Variants in SNIP1 observed in about 807,000 individuals in gnomAD.
SNIP1 encodes Smad nuclear interacting protein 1.
Under a neutral mutation model 37.4 loss-of-function variants are expected in SNIP1, and 23 were observed. The ratio of observed to expected loss-of-function variants is 0.61; its 90% CI spans 0.44 to 0.87. The LOEUF (loss-of-function observed/expected upper bound fraction) is 0.87. SNIP1 is among the 40% of genes least tolerant of loss of function. SNIP1 has a pLI of 0.00. For synonymous variants in SNIP1, 174 were observed against 200.0 expected (o/e 0.87, Z 1.10); for missense variants, 459 against 540.4 (o/e 0.85, Z 1.49).
At chr1:37,541,022 T>C (rs2148113147) in intron 2 of SNIP1, 1 of 348,586 alleles carries the variant, frequency 2.9e-6, no homozygotes, top group African/African-American at 2.1e-5. Flanking sequence ...GACTATTTAG[T>C]CCAGAAAGGA....
At chr1:37,545,998 T>G (rs1241182801) in intron 2 of SNIP1, among the ~76,000 whole-genome samples, 2 of 151,998 alleles carry the variant, frequency 1.3e-5, no homozygotes, top group Non-Finnish European at 1.5e-5. Context: ...CATAAAAAAT[T>G]TAAAAATAGA....
intron 2 of SNIP1, chr1:37,545,101 A>T: frequency 1.3e-6 from 1 of 742,604 alleles, no homozygotes; most frequent in Non-Finnish European, 2.5e-6. Flanking sequence ...CACTACTGGA[A>T]CTGCACAAAC....
chr1:37,540,861 G>A lies in SNIP1; in HGVS notation c.328-106C>T. 7 of 1,116,892 alleles carry A rather than the reference G, an allele frequency of 6.3e-6. No individual in the cohort carries two copies. Among genetic ancestry groups the A allele is most frequent in the Non-Finnish European group, 8.8e-6 (7 of 792,500 alleles). The allele number at this position is 1,116,892 out of a possible 1,614,324, so 69.2% of individuals were successfully genotyped here. ...TGCATGCAAAAAGTCTTGTAATTTG[G>A]ACTTTGGCATTTAGAACAACATTTC... On this transcript the variant is annotated intron_variant, in intron 2 of 3. Transcript: ENST00000296215. The surrounding 1 kb of genome is among the most constrained non-coding windows in gnomAD (Gnocchi z 5.6).
Position 37,537,900 on chromosome 1 carries a change from G to C in SNIP1, c.1039C>G (p.Gln347Glu). 1 of 1,614,170 alleles carries C rather than the reference G, an allele frequency of 6.2e-7. No homozygotes were observed. The highest frequency in any genetic ancestry group is 8.5e-7 in the Non-Finnish European group (1 of 1,180,048). The part of the protein sequence containing the change: ...TFLNNKRIEP[Q>E]RYYELKEKDV... The stretch of plus-strand genomic sequence containing the variant: ...TTTTCTTTTAGTTCATAGTATCTCT[G>C]TGGCTCAATACGTTTGTTGTTTAAG... The change falls in exon 4 of 4, where the codon CAG (glutamine) becomes GAG (glutamate). Residue 347 changes from glutamine (Q) to glutamate (E), a missense_variant. Transcript: ENST00000296215.
intron 2 of SNIP1, among the ~76,000 whole-genome samples, chr1:37,546,242 C>G (rs939697259): frequency 2.0e-5 from 3 of 151,188 alleles, no homozygotes; most frequent in Non-Finnish European, 2.9e-5. Flanking sequence ...TAGCCTAGCA[C>G]AGACATGCAT....
In SNIP1 at chr1:37,540,497, C is replaced by A. The variant is rs1429552960; in HGVS notation, c.586G>T (p.Gly196Cys). The change falls in exon 3 of 4, where the codon GGT becomes TGT. Residue 196 changes from glycine (G) to cysteine (C), a missense_variant. Gly to Cys is a radical substitution (Grantham distance 159, BLOSUM62 -3). Transcript: ENST00000296215. The surrounding 1 kb of genome is among the most constrained non-coding windows in gnomAD (Gnocchi z 5.6). ...RREHRQRNDV[G>C]GGGSESQELV... ...TCCTGAGACTCACTGCCGCCACCAC[C>A]AACGTCATTCCTCTGGCGATGCTCC... 2 of 1,614,054 alleles carry A rather than the reference C, an allele frequency of 1.2e-6. No individual in the cohort carries two copies. The highest frequency in any genetic ancestry group is 1.7e-6 in the Non-Finnish European group (2 of 1,180,032).
At position 37,550,115 on chromosome 1, in the gene SNIP1, G is replaced by A. The variant is rs1453683407; in HGVS notation, c.327+2530C>T. On this transcript the variant is annotated intron_variant, in intron 2 of 3. Transcript: ENST00000296215. Reference sequence around the variant, plus strand: ...AAACCCTGAAAAGAAACTGAAAGCAGATCATGGACTTTTAAGAAAAAAAAT... The same window carrying A: ...AAACCCTGAAAAGAAACTGAAAGCAAATCATGGACTTTTAAGAAAAAAAAT... Among the ~76,000 whole-genome samples, 4 of 152,070 alleles carry A rather than the reference G, an allele frequency of 2.6e-5. No homozygotes were observed. In the East Asian group the frequency reaches 5.8e-4, roughly 22 times the overall value.
rs1643108222 is a variant in SNIP1 at position 37,537,150 on chromosome 1, A to G, written c.*598T>C. On this transcript the variant is annotated 3_prime_UTR_variant, in exon 4 of 4. Transcript: ENST00000296215. ...AGCAGGTGCCATAAAGCATCTGTTT[A>G]AGTTAAACAGTCAATAATGTTTACT... is the stretch of plus-strand genomic sequence containing the variant. The G allele has an allele frequency of 6.5e-6, 1 of 152,716 alleles. No homozygotes were observed. The allele number at this position is 152,716 out of a possible 1,614,324, so 9.5% of individuals were successfully genotyped here.
At chr1:37,552,883 C>T (rs1643317254) in intron 1 of SNIP1, 136 bp from the exon 2 acceptor site, 17 of 711,892 alleles carry the variant, frequency 2.4e-5, no homozygotes, top group South Asian at 2.1e-4. Context: ...AAAGGAGTCA[C>T]GAGGTTCACT....
intron 2 of SNIP1, chr1:37,545,119 C>T (rs535315771): frequency 3.0e-5 from 22 of 739,486 alleles, no homozygotes; most frequent in African/African-American, 1.5e-4. Flanking sequence ...AACTGGCCAC[C>T]GACAAAATTA....
rs1452142233 is a variant in SNIP1, at chr1:37,537,485, CG to C, written c.*262del. The stretch of plus-strand genomic sequence containing the variant: ...AAACCACAACACTTCTACTAAAACA[CG>C]GTGTGTTGTAATTGGTGAGACTGTT... On this transcript the variant is annotated 3_prime_UTR_variant, in exon 4 of 4. Coordinates refer to ENST00000296215, the MANE Select transcript of SNIP1 (RefSeq NM_024700.4). 1 of 426,674 alleles carries C rather than the reference CG, an allele frequency of 2.3e-6. No individual in the cohort carries two copies. Among genetic ancestry groups the C allele is most frequent in the Non-Finnish European group, 4.2e-6 (1 of 239,586 alleles). The allele number at this position is 426,674 out of a possible 1,614,324, so 26.4% of individuals were successfully genotyped here. A position where few individuals can be genotyped will look rare whatever the true frequency, so the allele number is the denominator to read the frequency against.
At chr1:37,542,945 A>G (rs896584129) in intron 2 of SNIP1, among the ~76,000 whole-genome samples, 1 of 151,816 alleles carries the variant, frequency 6.6e-6, no homozygotes, top group Admixed American at 6.6e-5. Context: ...CTGTAATCTC[A>G]GCTATTTCGG....
At chr1:37,539,659 G>T (rs1643145882) in intron 3 of SNIP1, among the ~76,000 whole-genome samples, 2 of 152,204 alleles carry the variant, frequency 1.3e-5, no homozygotes. Context: ...GCAGTGAGTT[G>T]AGATCGCGCC....
Position 37,540,835 on chromosome 1 carries a change from G to A in SNIP1, c.328-80C>T, listed in dbSNP as rs1365231790. The A allele has an allele frequency of 7.3e-7, 1 of 1,361,118 alleles. No homozygotes were observed. Among genetic ancestry groups the A allele is most frequent in the Non-Finnish European group, 9.9e-7 (1 of 1,009,902 alleles). The allele number at this position is 1,361,118 out of a possible 1,614,324, so 84.3% of individuals were successfully genotyped here. ...CCAAATCTTGTTCTTTTTGAACGAA[G>A]TGCATGCAAAAAGTCTTGTAATTTG... On this transcript the variant is annotated intron_variant, in intron 2 of 3. Transcript: ENST00000296215. This position sits in a 1 kb window ranked among gnomAD's most constrained non-coding sequence, Gnocchi z 5.6.
intron 2 of SNIP1, among the ~76,000 whole-genome samples, chr1:37,545,773 C>A (rs1217809535): frequency 6.6e-6 from 1 of 151,974 alleles, no homozygotes; most frequent in Non-Finnish European, 1.5e-5. Flanking sequence ...GCCTGGGTAA[C>A]ATAGTGAGAC....
At position 37,540,784 on chromosome 1, in the gene SNIP1, A is replaced by T. The variant is rs1404560026; in HGVS notation, c.328-29T>A. ...AAATTCAAACAGATTCTGTAATTTA[A>T]ACGCAGTGCACAATCTAAAGGCAGC... On this transcript the variant is annotated intron_variant, in intron 2 of 3. Coordinates refer to ENST00000296215, the MANE Select transcript of SNIP1 (RefSeq NM_024700.4). This position sits in a 1 kb window ranked among gnomAD's most constrained non-coding sequence, Gnocchi z 5.6. The T allele has an allele frequency of 2.6e-6, 4 of 1,552,136 alleles. No individual in the cohort carries two copies. The East Asian group carries it at 9.0e-5, about 35-fold the overall frequency.
chr1:37,544,015 G>A (rs746111967), intron 2 of SNIP1, among the ~76,000 whole-genome samples: 1 of 151,874 alleles, frequency 6.6e-6, no homozygotes, highest in Non-Finnish European at 1.5e-5. Context: ...GTGTGGTAGC[G>A]CATGCCTGTA....
rs891493221 is a variant in SNIP1 at position 37,534,822 on chromosome 1, AG to A, written c.*2925del. The A allele has an allele frequency of 8.5e-5, 13 of 152,136 alleles. No homozygotes were observed. Among genetic ancestry groups the A allele is most frequent in the African/African-American group, 3.1e-4 (13 of 41,422 alleles). The allele number at this position is 152,136 out of a possible 1,614,324, so 9.4% of individuals were successfully genotyped here. ...ACTTAGGGGAGGGGCTCAGAAGCAA[AG>A]GGCTGTTTTGAAAATAGTTTGATTT... is the stretch of plus-strand genomic sequence containing the variant. On this transcript the variant is annotated 3_prime_UTR_variant, in exon 4 of 4. Transcript: ENST00000296215.
At chr1:37,546,799 T>C (rs1643244696) in intron 2 of SNIP1, among the ~76,000 whole-genome samples, 1 of 152,242 alleles carries the variant, frequency 6.6e-6, no homozygotes, top group Admixed American at 6.5e-5. Context: ...CTAAAATTGC[T>C]GGTCAAGATC....
Sources: allele counts gnomAD v4.1 joint callset (sites outside exome capture counted in the v4.1 genomes callset), GRCh38; gene constraint gnomAD v4.1.1; non-coding constraint Gnocchi (gnomAD v3.1); transcripts MANE v1.5; gene names NCBI Gene and HGNC (gene_info 2026-07-23, HGNC 2026-07-21).